Variants in MTCL2 observed in about 807,000 individuals in gnomAD.
MTCL2 encodes the protein microtubule cross-linking factor 2.
chr20:36,789,723 T>G, the MTCL2 span, among the ~76,000 whole-genome samples: 1 of 151,980 alleles, frequency 6.6e-6, no homozygotes, highest in East Asian at 1.9e-4. Context: ...GTTAAAGGCT[T>G]GAACAGAACA....
At chr20:36,816,412 A>C in the MTCL2 span, 2 of 978,052 alleles carry the variant, frequency 2.0e-6, no homozygotes, top group East Asian at 2.5e-5. Flanking sequence ...ACAGGGATGA[A>C]TCAGACACAG....
the MTCL2 span, among the ~76,000 whole-genome samples, chr20:36,813,256 C>T: frequency 2.4e-5 from 3 of 123,148 alleles, no homozygotes; most frequent in East Asian, 2.7e-4. Context: ...GAGGCTACAG[C>T]GAGCTGTGAT....
At chr20:36,862,282 C>A in the MTCL2 span, among the ~76,000 whole-genome samples, 2 of 152,220 alleles carry the variant, frequency 1.3e-5, no homozygotes, top group East Asian at 3.9e-4. Flanking sequence ...GTCTATCAAT[C>A]CCGTCCCAAG....
chr20:36,784,289 C>T, the MTCL2 span: 1 of 985,928 alleles, frequency 1.0e-6, no homozygotes, highest in African/African-American at 1.7e-5. Flanking sequence ...TGGCTGCCTG[C>T]TCTGCCCACA....
At chr20:36,793,766 T>C in the MTCL2 span, 5 of 1,541,222 alleles carry the variant, frequency 3.2e-6, no homozygotes, top group African/African-American at 4.1e-5. The surrounding 1 kb of genome is among the most constrained non-coding windows in gnomAD (Gnocchi z 6.8). Flanking sequence ...TGGTGAGCCA[T>C]ACTTGGGGGA....
At chr20:36,800,304 A>G in the MTCL2 span, among the ~76,000 whole-genome samples, 2 of 152,236 alleles carry the variant, frequency 1.3e-5, no homozygotes, top group Non-Finnish European at 2.9e-5. Context: ...TTGTTAATAT[A>G]ATAAGAAGGA....
At chr20:36,780,866 C>T in the MTCL2 span, 1 of 152,154 alleles carries the variant, frequency 6.6e-6, no homozygotes, top group Non-Finnish European at 1.5e-5. Context: ...GGCTCAGTGG[C>T]CCTTGATGAA....
chr20:36,844,004 A>G, the MTCL2 span, among the ~76,000 whole-genome samples: 2 of 151,176 alleles, frequency 1.3e-5, no homozygotes, highest in African/African-American at 4.9e-5. Flanking sequence ...TTGGGAGGCC[A>G]AGGCCGGCAG....
At chr20:36,811,383 CTT>C in the MTCL2 span, among the ~76,000 whole-genome samples, 4 of 152,054 alleles carry the variant, frequency 2.6e-5, no homozygotes, top group Non-Finnish European at 4.4e-5. Flanking sequence ...AATACCAGCA[CTT>C]TGGAAGGCTG....
At chr20:36,839,150 C>A in the MTCL2 span, 1 of 1,489,128 alleles carries the variant, frequency 6.7e-7, no homozygotes, top group South Asian at 1.2e-5. The surrounding 1 kb of genome is among the most constrained non-coding windows in gnomAD (Gnocchi z 5.1). Flanking sequence ...AGATGCAAGG[C>A]CAACCTGGGC....
the MTCL2 span, chr20:36,808,807 C>T: frequency 2.8e-6 from 4 of 1,439,128 alleles, no homozygotes; most frequent in Non-Finnish European, 2.8e-6. Context: ...CCTTTCTGGG[C>T]CCCTGGACAG....
the MTCL2 span, among the ~76,000 whole-genome samples, chr20:36,792,064 T>C: frequency 6.6e-6 from 1 of 152,190 alleles, no homozygotes; most frequent in African/African-American, 2.4e-5. Context: ...GTGTGAAGTC[T>C]TGATGGGGTG....
the MTCL2 span, chr20:36,862,670 G>T: frequency 6.7e-7 from 1 of 1,498,106 alleles, no homozygotes; most frequent in South Asian, 1.3e-5. Context: ...TGAGATAGTC[G>T]TTCTCCGAGC....
At chr20:36,844,097 G>A in the MTCL2 span, among the ~76,000 whole-genome samples, 2 of 151,886 alleles carry the variant, frequency 1.3e-5, no homozygotes, top group Non-Finnish European at 2.9e-5. Flanking sequence ...TTAGCCGGGC[G>A]TGGTGGTGCA....
chr20:36,832,335 C>T, the MTCL2 span, among the ~76,000 whole-genome samples: 9 of 152,220 alleles, frequency 5.9e-5, no homozygotes, highest in Non-Finnish European at 1.3e-4. Flanking sequence ...TGCCCCATCT[C>T]CACCATGTCC....
the MTCL2 span, among the ~76,000 whole-genome samples, chr20:36,841,155 CAAAA>C: frequency 2.0e-3 from 82 of 40,348 alleles, no homozygotes; most frequent in South Asian, 5.3e-3. Flanking sequence ...ACTAAAAATA[CAAAA>C]AAAAAAAAAA....
At chr20:36,853,444 C>A in the MTCL2 span, among the ~76,000 whole-genome samples, 1 of 152,188 alleles carries the variant, frequency 6.6e-6, no homozygotes, top group Non-Finnish European at 1.5e-5. Context: ...TTATAATGAA[C>A]AATGGTGACG....
chr20:36,792,042 G>T, the MTCL2 span, among the ~76,000 whole-genome samples: 1 of 152,220 alleles, frequency 6.6e-6, no homozygotes, highest in Non-Finnish European at 1.5e-5. Context: ...CAGAGGAAAT[G>T]TGAGCACTTA....
chr20:36,785,989 G>T, the MTCL2 span: 8 of 986,806 alleles, frequency 8.1e-6, no homozygotes, highest in Non-Finnish European at 9.6e-6. Flanking sequence ...GCCCAACAGG[G>T]CTCCACCAGG....
Sources: allele counts gnomAD v4.1 joint callset (sites outside exome capture counted in the v4.1 genomes callset), GRCh38; gene constraint gnomAD v4.1.1; non-coding constraint Gnocchi (gnomAD v3.1); transcripts MANE v1.5; gene names NCBI Gene and HGNC (gene_info 2026-07-23, HGNC 2026-07-21).